The following UGGT2 variants were observed in gnomAD, a reference collection of about 807,000 sequenced individuals.
UGGT2 encodes UDP-glucose:glycoprotein glucosyltransferase 2.
In UGGT2, 180 loss-of-function variants were observed where a neutral mutation model predicts 192.1. That is an observed-to-expected ratio of 0.94 (90% CI 0.83 to 1.06). The LOEUF (loss-of-function observed/expected upper bound fraction) is 1.06, where lower values mean the gene tolerates loss of function less well. Among genes scored for constraint, UGGT2 ranks in the 50% least tolerant of loss-of-function variants. UGGT2 has a pLI of 0.00. For synonymous variants in UGGT2, 580 were observed against 591.0 expected (o/e 0.98, Z 0.27); for missense variants, 1,849 against 1,795.7 (o/e 1.03, Z -0.54).
chr13:95,919,631 G>T (rs1412946754), intron 20 of UGGT2, among the ~76,000 whole-genome samples: 1 of 152,044 alleles, frequency 6.6e-6, no homozygotes, highest in Non-Finnish European at 1.5e-5. Context: ...AAATACCTAG[G>T]AATATAGCTA....
chr13:95,858,357 T>C (rs1889821329), intron 33 of UGGT2, among the ~76,000 whole-genome samples: 1 of 151,920 alleles, frequency 6.6e-6, no homozygotes, highest in African/African-American at 2.4e-5. Flanking sequence ...ATGTTATTTG[T>C]AGTGAGGACC....
At chr13:96,031,114 T>A (rs2052820367) in intron 2 of UGGT2, among the ~76,000 whole-genome samples, 2 of 152,138 alleles carry the variant, frequency 1.3e-5, no homozygotes, top group Admixed American at 1.3e-4. Flanking sequence ...TAGTGAGGGA[T>A]GTTGATAACA....
At chr13:95,901,218 A>G (rs1009782162) in intron 21 of UGGT2, among the ~76,000 whole-genome samples, 2 of 152,126 alleles carry the variant, frequency 1.3e-5, no homozygotes, top group Admixed American at 1.3e-4. Context: ...GGGAACATCA[A>G]TTTAAATAAA....
At chr13:95,994,849 G>T (rs2051569214) in intron 7 of UGGT2, among the ~76,000 whole-genome samples, 1 of 151,968 alleles carries the variant, frequency 6.6e-6, no homozygotes, top group African/African-American at 2.4e-5. Flanking sequence ...TATGTTTGTT[G>T]TTTCATGTCT....
intron 15 of UGGT2, 48 bp downstream of exon 15, chr13:95,946,989 G>A (rs1387249699): frequency 3.4e-6 from 5 of 1,470,964 alleles, no homozygotes; most frequent in Non-Finnish European, 3.6e-6. Context: ...ATATAGTAAT[G>A]CAAGAATTTT....
intron 4 of UGGT2, 142 bp from the exon 5 acceptor site, chr13:96,013,623 C>T (rs1331788328): frequency 3.6e-6 from 2 of 549,712 alleles, no homozygotes; most frequent in Non-Finnish European, 5.5e-6. Flanking sequence ...TGACTTTGTA[C>T]ACATAACTTG....
chr13:95,928,414 C>A (rs970802572), intron 17 of UGGT2, among the ~76,000 whole-genome samples: 17 of 150,976 alleles, frequency 1.1e-4, no homozygotes, highest in Non-Finnish European at 2.1e-4. Context: ...GGCTGCCGGG[C>A]GGAGGGGCTC....
chr13:95,905,320 T>G (rs904283330), intron 20 of UGGT2, among the ~76,000 whole-genome samples: 1 of 146,516 alleles, frequency 6.8e-6, no homozygotes, highest in African/African-American at 2.5e-5. Flanking sequence ...ATTTGTCAAT[T>G]TTGGCTTTTG....
In UGGT2 at chr13:96,053,398, G is replaced by A; in HGVS notation, c.-86C>T. The A allele has an allele frequency of 6.7e-7, 1 of 1,503,224 alleles. No individual in the cohort carries two copies. Among genetic ancestry groups the A allele is most frequent in the Non-Finnish European group, 8.8e-7 (1 of 1,133,768 alleles). The allele number at this position is 1,503,224 out of a possible 1,614,324, so 93.1% of individuals were successfully genotyped here. A position where few individuals can be genotyped will look rare whatever the true frequency, so the allele number is the denominator to read the frequency against. ...CTTCGGCCGGCTCTTCCCGCTGCGC[G>A]GCTGCCCACTTCCGGTGGGAGGAGC... is the stretch of plus-strand genomic sequence containing the variant. On this transcript the variant is annotated 5_prime_UTR_variant, in exon 1 of 39. Transcript: ENST00000376747.
At chr13:95,949,257 C>G (rs1251640835) in intron 13 of UGGT2, 78 bp downstream of exon 13, 1 of 1,279,944 alleles carries the variant, frequency 7.8e-7, no homozygotes, top group Admixed American at 3.1e-5. Flanking sequence ...GATGCCTATT[C>G]ATTGACAGAA....
intron 36 of UGGT2, among the ~76,000 whole-genome samples, chr13:95,848,380 G>A (rs370988975): frequency 1.3e-5 from 2 of 152,142 alleles, no homozygotes; most frequent in East Asian, 1.9e-4. Flanking sequence ...CATACCCAAG[G>A]CCATCTAGGT....
Position 95,895,281 on chromosome 13 carries a change from A to G in UGGT2, c.2658T>C (p.Asp886=). Residue 886 remains aspartate, a synonymous_variant, in exon 23 of 39, where the codon GAT becomes GAC. Transcript: ENST00000376747. Reference sequence around the variant, plus strand: ...ACAAGTAAAAATCTTCTGCATAAAAATCTTCATCTAAAGGTCCTAAGAACT... The same window carrying G: ...ACAAGTAAAAATCTTCTGCATAAAAGTCTTCATCTAAAGGTCCTAAGAACT... ...NGRFLGPLDE[D]FYAEDFYLLE... 1 of 1,506,008 alleles carries G rather than the reference A, an allele frequency of 6.6e-7. No homozygotes were observed. The highest frequency in any genetic ancestry group is 9.0e-7 in the Non-Finnish European group (1 of 1,105,152). The allele number at this position is 1,506,008 out of a possible 1,614,324, so 93.3% of individuals were successfully genotyped here. A position where few individuals can be genotyped will look rare whatever the true frequency, so the allele number is the denominator to read the frequency against.
At position 95,807,715 on chromosome 13, in the gene UGGT2, C is replaced by CTTTTT. The variant is rs200081851; in HGVS notation, c.4529-5904_4529-5903insAAAAA. Among the ~76,000 whole-genome samples, 7 of 48,038 alleles carry CTTTTT rather than the reference C, an allele frequency of 1.5e-4. 1 individual carries two copies. Among genetic ancestry groups the CTTTTT allele is most frequent in the Admixed American group, 3.0e-4 (2 of 6,578 alleles). 31.5% of individuals were successfully genotyped at this position (48,038 alleles called of 152,430 possible). ...CGTATCTTGAAACCCTCAGCCCTCA[C>CTTTTT]CTTTTTTTTTTTTTTTTTTTGCCGT... On this transcript the variant is annotated intron_variant, in intron 38 of 38. Transcript: ENST00000376747.
chr13:95,804,491 G>A (rs770433790), intron 38 of UGGT2, among the ~76,000 whole-genome samples: 1 of 152,166 alleles, frequency 6.6e-6, no homozygotes, highest in Non-Finnish European at 1.5e-5. Context: ...CACAAGGGAT[G>A]CCGAAAATAT....
intron 37 of UGGT2, among the ~76,000 whole-genome samples, chr13:95,836,831 G>A (rs2139911781): frequency 2.3e-5 from 1 of 42,900 alleles, no homozygotes; most frequent in East Asian, 1.9e-3. Flanking sequence ...TCCTTTCACT[G>A]TGATAAATCA....
In UGGT2 at chr13:95,838,214, G is replaced by A. The variant is rs191474703; in HGVS notation, c.4285-1012C>T. ...AAAACACACCATTTACATTAGCACC[G>A]AAAAAGAGAAATACTTAAACATAAA... On this transcript the variant is annotated intron_variant, in intron 36 of 38. Coordinates refer to ENST00000376747, the MANE Select transcript of UGGT2 (RefSeq NM_020121.4). 7.9e-4 allele frequency among the ~76,000 whole-genome samples: 120 copies of A among 152,128 alleles called. 1 individual carries two copies. Among genetic ancestry groups the A allele is most frequent in the East Asian group, 6.2e-3 (32 of 5,188 alleles).
At chr13:95,847,282 C>T (rs1319810958) in intron 36 of UGGT2, among the ~76,000 whole-genome samples, 1 of 152,104 alleles carries the variant, frequency 6.6e-6, no homozygotes, top group Non-Finnish European at 1.5e-5. Context: ...ATGTTTGTTG[C>T]AATACATGAA....
At chr13:95,834,603 CTT>C (rs1887084305) in intron 37 of UGGT2, among the ~76,000 whole-genome samples, 1 of 152,144 alleles carries the variant, frequency 6.6e-6, no homozygotes, top group Non-Finnish European at 1.5e-5. Context: ...TCTGCATTCT[CTT>C]TTCTCCTCCA....
chr13:95,877,365 C>T lies in UGGT2; in HGVS notation c.3388-1G>A, dbSNP rs753199014. 5.0e-6 allele frequency: 8 copies of T among 1,598,194 alleles called. No homozygotes were observed. The highest frequency in any genetic ancestry group is 6.8e-6 in the Non-Finnish European group (8 of 1,174,358). On this transcript the variant is annotated splice_acceptor_variant, in intron 28 of 38. Transcript: ENST00000376747. LOFTEE classifies it high-confidence loss of function. ...GGTTTGCTTTTAATTGAAAATACCCCTTTTAAGATGAGAAAAAAATAATCA... is the reference window on the plus strand; with the variant it reads ...GGTTTGCTTTTAATTGAAAATACCCTTTTTAAGATGAGAAAAAAATAATCA...
Sources: gnomAD v4.1 joint callset for allele counts (sites outside exome capture counted in the v4.1 genomes callset) on GRCh38, gnomAD v4.1.1 for gene constraint, MANE v1.5 for transcripts, NCBI Gene and HGNC (gene_info 2026-07-23, HGNC 2026-07-21) for gene names.